MON2: variants seen among roughly 807,000 people sequenced by gnomAD.
MON2 encodes the protein MON2 regulator of endosome-to-Golgi trafficking, also known as protein MON2 homolog.
MON2 carries 84 observed loss-of-function variants against 208.6 expected under a neutral mutation model. The observed-to-expected ratio is 0.40, with a 90% CI of 0.34 to 0.48. The LOEUF is 0.48. Ranked by LOEUF, MON2 falls within the 20% of genes least tolerant of loss-of-function variation. MON2 has a pLI of 0.59. For missense variants in MON2, 1,611 were observed against 2,015.4 expected, an observed-to-expected ratio of 0.80 and a Z score of 3.84; for synonymous variants, 660 against 694.0, an observed-to-expected ratio of 0.95 and a Z score of 0.77.
At chr12:62,537,947 GTTAA>G (rs1257576061) in intron 16 of MON2, 145 bp from the exon 17 acceptor site, 13 of 695,654 alleles carry the variant, frequency 1.9e-5, no homozygotes, top group South Asian at 3.9e-5. Flanking sequence ...TTATATGAAT[GTTAA>G]TTAGTGATTT....
Position 62,598,378 on chromosome 12 carries a change from G to A in MON2, c.*5629G>A, listed in dbSNP as rs2136546327. 6.6e-6 allele frequency: 1 copy of A among 152,162 alleles called. No homozygotes were observed. Among genetic ancestry groups the A allele is most frequent in the East Asian group, 1.9e-4 (1 of 5,182 alleles). The allele number at this position is 152,162 out of a possible 1,614,324, so 9.4% of individuals were successfully genotyped here. The stretch of plus-strand genomic sequence containing the variant: ...ATCTGCTAAACCATGCCGTTATTTG[G>A]AAAATCATTGCAATATATTAACAAC... On this transcript the variant is annotated 3_prime_UTR_variant, in exon 35 of 35. Coordinates refer to ENST00000393630, the MANE Select transcript of MON2 (RefSeq NM_015026.3).
chr12:62,583,960 CA>C (rs1301473051), intron 32 of MON2, among the ~76,000 whole-genome samples: 30 of 55,968 alleles, frequency 5.4e-4, no homozygotes, highest in Non-Finnish European at 7.3e-4. Flanking sequence ...GACCCTGTCT[CA>C]AAAAAAAAAA....
At chr12:62,588,946 A>G in intron 34 of MON2, 1 of 1,341,254 alleles carries the variant, frequency 7.5e-7, no homozygotes. Flanking sequence ...ATTGAATGCA[A>G]AGCTTTTTTA....
At chr12:62,544,103 C>T (rs1439544467) in intron 20 of MON2, among the ~76,000 whole-genome samples, 1 of 152,058 alleles carries the variant, frequency 6.6e-6, no homozygotes, top group African/African-American at 2.4e-5. Flanking sequence ...TTTAGGTTAC[C>T]ATAGTTCTTT....
intron 25 of MON2, chr12:62,560,103 G>A (rs1342066824): frequency 1.3e-5 from 1 of 75,372 alleles, no homozygotes; most frequent in East Asian, 2.3e-4. Flanking sequence ...TACATATTTT[G>A]GGGTTTTTAA....
intron 33 of MON2, chr12:62,587,772 T>A: frequency 4.6e-6 from 1 of 219,698 alleles, no homozygotes; most frequent in Non-Finnish European, 8.9e-6. Context: ...AACGTTTTAA[T>A]TTTAAGTAGT....
intron 34 of MON2, among the ~76,000 whole-genome samples, chr12:62,589,775 T>C (rs1351339149): frequency 7.0e-6 from 1 of 142,226 alleles, no homozygotes; most frequent in Non-Finnish European, 1.5e-5. Context: ...AGAACCAGAA[T>C]GTGTATAAAG....
intron 20 of MON2, among the ~76,000 whole-genome samples, chr12:62,543,569 T>TA (rs776414530): frequency 2.2e-4 from 33 of 152,264 alleles, no homozygotes; most frequent in Non-Finnish European, 3.8e-4. Flanking sequence ...CACTGCTCAT[T>TA]TATAGCCTTT....
intron 26 of MON2, chr12:62,564,995 A>G (rs975949658): frequency 2.3e-5 from 8 of 348,356 alleles, no homozygotes; most frequent in South Asian, 4.3e-5. Context: ...CCCTTTTTCT[A>G]TTCTTTTAAG....
chr12:62,532,792 C>G, intron 12 of MON2, 122 bp downstream of exon 12: 1 of 700,474 alleles, frequency 1.4e-6, no homozygotes, highest in Non-Finnish European at 2.4e-6. Flanking sequence ...CCCACATTTA[C>G]CTTACCATTT....
At chr12:62,558,960 A>G (rs899099892) in intron 25 of MON2, among the ~76,000 whole-genome samples, 3 of 152,160 alleles carry the variant, frequency 2.0e-5, no homozygotes, top group African/African-American at 7.2e-5. Flanking sequence ...GGCCTTCCAA[A>G]GTGCAGGGAT....
At chr12:62,536,700 T>C (rs1429789693) in intron 14 of MON2, among the ~76,000 whole-genome samples, 4 of 151,802 alleles carry the variant, frequency 2.6e-5, no homozygotes, top group Non-Finnish European at 5.9e-5. Flanking sequence ...TTTTGTTTTT[T>C]TTTTTTTGAG....
chr12:62,525,172 T>C lies in MON2; in HGVS notation c.1198T>C (p.Leu400=), dbSNP rs2072266997. 1 of 1,613,136 alleles carries C rather than the reference T, an allele frequency of 6.2e-7. No individual in the cohort carries two copies. The highest frequency in any genetic ancestry group is 8.5e-7 in the Non-Finnish European group (1 of 1,179,328). The change falls in exon 10 of 35, where the codon TTG becomes CTG. Residue 400 remains leucine (L), a synonymous_variant. Coordinates refer to ENST00000393630, the MANE Select transcript of MON2 (RefSeq NM_015026.3). ...VNALGSFIQS[L]FLVPPTGNPA... ...TGCACTGGGATCTTTTATACAGTCC[T>C]TGTTTCTTGTCCCCCCTACTGGAAA...
chr12:62,560,878 T>C lies in MON2; in HGVS notation c.3797T>C (p.Phe1266Ser), dbSNP rs371284233. Residue 1266 changes from phenylalanine (F) to serine (S), a missense_variant, in exon 26 of 35, where the codon TTT becomes TCT. Transcript: ENST00000393630. The part of the protein sequence containing the change: ...KPPITFDKLT[F>S]IPSQPFLTAL... ...CCTATTACTTTTGATAAACTAACTT[T>C]TATTCCTAGCCAGCCTTTTCTTACA... The C allele has an allele frequency of 3.7e-6, 6 of 1,614,004 alleles. No individual in the cohort carries two copies. In the African/African-American group the frequency reaches 8.0e-5, roughly 22 times the overall value.
Position 62,566,379 on chromosome 12 carries a change from G to C in MON2, c.4252G>C (p.Val1418Leu), listed in dbSNP as rs1370627705. Reference protein sequence around the residue: ...PFAERSLEVVVDLYQKTACHK... With the variant: ...PFAERSLEVVLDLYQKTACHK... ...TGCTGAAAGGTCTTTAGAAGTAGTTGTGGATTTATACCAAAAAACAGCGTG... is the reference window on the plus strand; with the variant it reads ...TGCTGAAAGGTCTTTAGAAGTAGTTCTGGATTTATACCAAAAAACAGCGTG... The change falls in exon 29 of 35, where the codon GTG becomes CTG. Residue 1418 changes from valine (V) to leucine (L), a missense_variant. By Grantham distance (32) the Val-to-Leu change is conservative. Transcript: ENST00000393630. 1.2e-6 allele frequency: 2 copies of C among 1,613,574 alleles called. No homozygotes were observed. Among genetic ancestry groups the C allele is most frequent in the Admixed American group, 1.7e-5 (1 of 59,986 alleles).
At chr12:62,507,519 G>T (rs1253645768) in intron 7 of MON2, among the ~76,000 whole-genome samples, 1 of 151,712 alleles carries the variant, frequency 6.6e-6, no homozygotes, top group Non-Finnish European at 1.5e-5. Flanking sequence ...GGGTCTCCCT[G>T]TGTTGCTCAG....
chr12:62,500,614 AT>A (rs201677867), intron 5 of MON2, among the ~76,000 whole-genome samples, 168 bp from the exon 6 acceptor site: 4 of 151,074 alleles, frequency 2.6e-5, no homozygotes, highest in Admixed American at 6.6e-5. Flanking sequence ...ACAGATTCCC[AT>A]TTTTTTTTGT....
At chr12:62,539,924 G>A (rs2073157927) in intron 19 of MON2, among the ~76,000 whole-genome samples, 1 of 151,918 alleles carries the variant, frequency 6.6e-6, no homozygotes, top group African/African-American at 2.4e-5. Context: ...AGTCGAGATT[G>A]TGCCACTGCG....
intron 30 of MON2, among the ~76,000 whole-genome samples, chr12:62,575,150 T>G (rs2074729351): frequency 6.6e-6 from 1 of 152,056 alleles, no homozygotes; most frequent in South Asian, 2.1e-4. Flanking sequence ...AAAAGTTATT[T>G]GTTGGAGTAA....
Sources: allele counts gnomAD v4.1 joint callset (sites outside exome capture counted in the v4.1 genomes callset), GRCh38; gene constraint gnomAD v4.1.1; transcripts MANE v1.5; gene names NCBI Gene and HGNC (gene_info 2026-07-23, HGNC 2026-07-21).